Variants in CHD1 observed in about 807,000 individuals in gnomAD.
The protein encoded by CHD1 is ATP-dependent chromatin remodeler CHD1.
CHD1 carries 36 observed loss-of-function variants against 224.2 expected under a neutral mutation model. The ratio of observed to expected loss-of-function variants is 0.16; its 90% CI spans 0.12 to 0.21. The LOEUF (loss-of-function observed/expected upper bound fraction) is 0.21, where lower values mean the gene tolerates loss of function less well. CHD1 is among the 10% of genes least tolerant of loss of function. The pLI is 1.00. For synonymous variants in CHD1, 668 were observed against 658.3 expected (o/e 1.01, Z -0.23); for missense variants, 1,378 against 1,994.8 (o/e 0.69, Z 5.89).
intron 28 of CHD1, among the ~76,000 whole-genome samples, chr5:98,871,835 C>T (rs1344414857): frequency 1.3e-5 from 2 of 152,036 alleles, no homozygotes; most frequent in African/African-American, 4.8e-5. Flanking sequence ...ACACCTAATG[C>T]CTTAATAACA....
intron 3 of CHD1, 137 bp from the exon 4 acceptor site, chr5:98,904,045 C>T (rs1289910775): frequency 8.5e-6 from 5 of 587,072 alleles, no homozygotes; most frequent in African/African-American, 1.9e-5. Flanking sequence ...ATATGTAACA[C>T]AATTATCATT....
chr5:98,908,499 T>A (rs1404095403), intron 2 of CHD1, among the ~76,000 whole-genome samples: 4 of 152,148 alleles, frequency 2.6e-5, no homozygotes, highest in African/African-American at 9.7e-5. Context: ...ATGTCAAGCA[T>A]TAAATGAAGA....
intron 5 of CHD1, 108 bp from the exon 6 acceptor site, chr5:98,901,443 T>G: frequency 1.2e-6 from 1 of 832,942 alleles, no homozygotes; most frequent in Non-Finnish European, 1.8e-6. Context: ...TCAAAAATAC[T>G]GTTGCTTTTA....
chr5:98,902,550 A>G (rs1460261568), intron 5 of CHD1, among the ~76,000 whole-genome samples: 2 of 152,024 alleles, frequency 1.3e-5, no homozygotes, highest in South Asian at 2.1e-4. Flanking sequence ...AGCTATTAAT[A>G]TAATTATAAG....
chr5:98,868,541 G>A lies in CHD1; in HGVS notation c.4202C>T (p.Pro1401Leu). ...CAGCTCTTCAGATTCTTCAGAAATG[G>A]GAACTGGTTCACCACTTGCCGTGAT... is the stretch of plus-strand genomic sequence containing the variant. ...VHITASGEPV[P>L]ISEESEELDQ... Residue 1401 changes from proline to leucine, a missense_variant, in exon 31 of 36, where the codon CCC becomes CTC. Transcript: ENST00000614616. 1 of 1,612,478 alleles carries A rather than the reference G, an allele frequency of 6.2e-7. No individual in the cohort carries two copies. Among genetic ancestry groups the A allele is most frequent in the Non-Finnish European group, 8.5e-7 (1 of 1,179,672 alleles).
In CHD1 at chr5:98,904,967, G is replaced by A; in HGVS notation, c.185C>T (p.Ser62Leu). 1 of 1,608,976 alleles carries A rather than the reference G, an allele frequency of 6.2e-7. No homozygotes were observed. Among genetic ancestry groups the A allele is most frequent in the Non-Finnish European group, 8.5e-7 (1 of 1,175,372 alleles). Residue 62 changes from serine to leucine, a missense_variant, in exon 3 of 36, where the codon TCA becomes TTA. Around this residue, in one of 16 missense-constraint regions of CHD1, gnomAD observed 306 missense variants for 298.1 expected, o/e 1.03. Transcript: ENST00000614616. ...SDSGSESGSQ[S>L]ESESDTSREN... ...TCGGGAAGTGTCTGACTCAGACTCTGACTGACTGCCTGATTCAGATCCGGA... is the reference window on the plus strand; with the variant it reads ...TCGGGAAGTGTCTGACTCAGACTCTAACTGACTGCCTGATTCAGATCCGGA...
Position 98,900,793 on chromosome 5 carries a change from T to C in CHD1, c.859+18A>G, listed in dbSNP as rs772369779. ...ATTATTTAAATAACCAAACAATAAA[T>C]GGTTTTTTAAAAACTACCTCCTTTT... is the stretch of plus-strand genomic sequence containing the variant. On this transcript the variant is annotated intron_variant, in intron 7 of 35. Coordinates refer to ENST00000614616, the MANE Select transcript of CHD1 (RefSeq NM_001270.4). The C allele has an allele frequency of 4.1e-5, 65 of 1,597,870 alleles. No homozygotes were observed. The African/African-American group carries it at 6.0e-4, about 15-fold the overall frequency.
chr5:98,860,262 A>C, intron 32 of CHD1, 194 bp from the exon 33 acceptor site: 1 of 557,710 alleles, frequency 1.8e-6, no homozygotes, highest in African/African-American at 1.9e-5. Flanking sequence ...CAGTGAAACT[A>C]AACATTAAAT....
intron 2 of CHD1, among the ~76,000 whole-genome samples, chr5:98,917,299 C>CAAAAA (rs70984334): frequency 5.0e-5 from 6 of 119,834 alleles, no homozygotes; most frequent in Admixed American, 8.1e-5. Flanking sequence ...AACAAAGAAA[C>CAAAAA]AAAAAAAAAA....
rs150992898 is a variant in CHD1, at chr5:98,924,872, G to A, written c.53+1462C>T. Among the ~76,000 whole-genome samples the A allele has an allele frequency of 5.6e-3, 852 of 152,070 alleles. 8 individuals are homozygous for A. The highest frequency in any genetic ancestry group is 0.019 in the African/African-American group (786 of 41,486). On this transcript the variant is annotated intron_variant, in intron 2 of 35. Transcript: ENST00000614616. The stretch of plus-strand genomic sequence containing the variant: ...TAGCGCCTGTAATCCCAGCTACTCC[G>A]GAGGCTGAGGTAGGAGAAACACTTG...
intron 2 of CHD1, among the ~76,000 whole-genome samples, chr5:98,918,157 A>G (rs1752865366): frequency 6.6e-6 from 1 of 150,792 alleles, no homozygotes; most frequent in Non-Finnish European, 1.5e-5. Context: ...TCCTGGGTTC[A>G]TGCCATTCTC....
At chr5:98,927,270 T>C (rs1753531685) in intron 1 of CHD1, among the ~76,000 whole-genome samples, 1 of 152,174 alleles carries the variant, frequency 6.6e-6, no homozygotes, top group Non-Finnish European at 1.5e-5. Context: ...CCTTTAAAGA[T>C]TTCAGTACAA....
chr5:98,896,215 A>T lies in CHD1; in HGVS notation c.1710+11T>A. 6.3e-7 allele frequency: 1 copy of T among 1,599,076 alleles called. No individual in the cohort carries two copies. The highest frequency in any genetic ancestry group is 8.6e-7 in the Non-Finnish European group (1 of 1,166,396). On this transcript the variant is annotated intron_variant, in intron 12 of 35. Transcript: ENST00000614616. ...CATTTTGATTTCTACATTTACAGGGAAACAACTTACCATGTTTCTGCTGTT... is the reference window on the plus strand; with the variant it reads ...CATTTTGATTTCTACATTTACAGGGTAACAACTTACCATGTTTCTGCTGTT...
intron 35 of CHD1, among the ~76,000 whole-genome samples, chr5:98,857,742 TAA>T (rs1748147709): frequency 6.6e-6 from 1 of 152,086 alleles, no homozygotes; most frequent in South Asian, 2.1e-4. Context: ...TTGCTGAGGT[TAA>T]GTTTTACCTC....
intron 14 of CHD1, 112 bp from the exon 15 acceptor site, chr5:98,892,825 T>C: frequency 1.7e-6 from 1 of 579,456 alleles, no homozygotes; most frequent in Non-Finnish European, 2.8e-6. Context: ...TACAGATTTT[T>C]AGAAAAAAAA....
At chr5:98,897,158 T>C (rs763960723) in intron 11 of CHD1, 35 bp downstream of exon 11, 6 of 1,592,828 alleles carry the variant, frequency 3.8e-6, no homozygotes, top group Non-Finnish European at 4.3e-6. Flanking sequence ...ATTCTTACTC[T>C]GTCAAATTAA....
Position 98,899,483 on chromosome 5 carries a change from CT to C in CHD1, c.1081del (p.Arg361AspfsTer3). 1 of 1,573,068 alleles carries C rather than the reference CT, an allele frequency of 6.4e-7. No homozygotes were observed. Among genetic ancestry groups the C allele is most frequent in the Non-Finnish European group, 8.7e-7 (1 of 1,144,902 alleles). ...ATATGATATACAGCATACTTACCAT[CT>C]TTTTGTTTCCTGATCTTTTTTCTTA... ...NYKKKDQETK[R>X]WLKNASPEDV... On this transcript the variant is annotated frameshift_variant, in exon 8 of 36. Coordinates refer to ENST00000614616, the MANE Select transcript of CHD1 (RefSeq NM_001270.4). LOFTEE classifies it high-confidence loss of function.
At chr5:98,880,088 TCTA>T (rs768067861) in intron 22 of CHD1, among the ~76,000 whole-genome samples, 2 of 152,220 alleles carry the variant, frequency 1.3e-5, no homozygotes, top group Non-Finnish European at 2.9e-5. Context: ...TGTAGAACAA[TCTA>T]ATATCATTTT....
At chr5:98,865,024 G>A (rs1234197811) in intron 31 of CHD1, among the ~76,000 whole-genome samples, 1 of 152,026 alleles carries the variant, frequency 6.6e-6, no homozygotes, top group Non-Finnish European at 1.5e-5. Flanking sequence ...AAATGAACAA[G>A]AAATAGTATG....
Sources: allele counts gnomAD v4.1 joint callset (sites outside exome capture counted in the v4.1 genomes callset), GRCh38; gene constraint gnomAD v4.1.1; regional missense constraint gnomAD v4.1.1; transcripts MANE v1.5; gene names NCBI Gene and HGNC (gene_info 2026-07-23, HGNC 2026-07-21).